Variants in GALM observed in about 807,000 individuals in gnomAD.
GALM encodes aldose 1-epimerase.
Under a neutral mutation model 37.4 loss-of-function variants are expected in GALM, and 43 were observed. That is an observed-to-expected ratio of 1.15 (90% CI 0.90 to 1.48). The LOEUF (loss-of-function observed/expected upper bound fraction) is 1.48. Ranked by LOEUF, GALM falls within the 40% of genes most tolerant of loss-of-function variation. The pLI, the probability that GALM is intolerant of heterozygous loss-of-function variation, is 0.00. For synonymous variants in GALM, 199 were observed against 170.6 expected (o/e 1.17, Z -1.30); for missense variants, 456 against 419.1 (o/e 1.09, Z -0.77).
chr2:38,682,321 A>G (rs1396991685), intron 3 of GALM: 1 of 439,914 alleles, frequency 2.3e-6, no homozygotes, highest in Non-Finnish European at 4.6e-6. Flanking sequence ...TATATCTATT[A>G]CTTCCTCTTT....
Position 38,675,527 on chromosome 2 carries a change from TTTTTTTTTTTTTTTTTTGTGTGTG to T in GALM, c.191-383_191-360del, listed in dbSNP as rs1665227228. On this transcript the variant is annotated intron_variant, in intron 1 of 6. Transcript: ENST00000272252. ...CACCTTTGGATTGAGGGTTTTTTTGTTTTTTTTTTTTTTTTTTGTGTGTGTGTGTGTGTGTGTGTGTGTGTGTGT... is the reference window on the plus strand; with the variant it reads ...CACCTTTGGATTGAGGGTTTTTTTGTTGTGTGTGTGTGTGTGTGTGTGTGT... Among the ~76,000 whole-genome samples the T allele has an allele frequency of 2.6e-4, 15 of 58,256 alleles. No homozygotes were observed. The South Asian group carries it at 4.0e-3, about 16-fold the overall frequency. The allele number at this position is 58,256 out of a possible 152,430, so 38.2% of individuals were successfully genotyped here.
rs557467797 is a variant in GALM at position 38,731,946 on chromosome 2, G to A, written c.951+37G>A. ...GGCTGGCTTTTCAGAGTAGAGTTGT[G>A]TCCAAGGTCACACTGTACGACAGAG... On this transcript the variant is annotated intron_variant, in intron 6 of 6. Transcript: ENST00000272252. 7.7e-5 allele frequency: 120 copies of A among 1,558,796 alleles called. No homozygotes were observed. The South Asian group carries it at 1.2e-3, about 16-fold the overall frequency.
At chr2:38,712,389 GATTTGTATTTGAACAT>G (rs1666188560) in intron 4 of GALM, among the ~76,000 whole-genome samples, 1 of 152,214 alleles carries the variant, frequency 6.6e-6, no homozygotes, top group African/African-American at 2.4e-5. Context: ...GGTCAGGCAT[GATTTGTATTTGAACAT>G]ATTTGTATTT....
At chr2:38,693,409 G>C (rs1665725669) in intron 4 of GALM, among the ~76,000 whole-genome samples, 1 of 149,992 alleles carries the variant, frequency 6.7e-6, no homozygotes, top group African/African-American at 2.5e-5. Flanking sequence ...CTTGAACCCA[G>C]AAGGCAGAGG....
intron 4 of GALM, among the ~76,000 whole-genome samples, chr2:38,694,855 C>T (rs1298181988): frequency 1.4e-5 from 2 of 146,432 alleles, no homozygotes; most frequent in Non-Finnish European, 3.0e-5. Context: ...CAAGATCGGG[C>T]CACTACACTC....
At chr2:38,669,273 G>C (rs1665027609) in intron 1 of GALM, 3 of 152,230 alleles carry the variant, frequency 2.0e-5, no homozygotes, top group Admixed American at 2.0e-4. Flanking sequence ...GTTATCTATA[G>C]ATTCCAGACA....
chr2:38,679,910 C>G, intron 2 of GALM: 2 of 368,022 alleles, frequency 5.4e-6, no homozygotes, highest in Non-Finnish European at 1.0e-5. Context: ...TTCGTTTTCC[C>G]TTCCCTATAA....
chr2:38,711,162 CTTT>C (rs35852563), intron 4 of GALM, among the ~76,000 whole-genome samples: 2 of 135,594 alleles, frequency 1.5e-5, no homozygotes, highest in African/African-American at 2.7e-5. Context: ...TACAGATAGC[CTTT>C]TTTTTTTTTT....
intron 4 of GALM, among the ~76,000 whole-genome samples, chr2:38,712,207 T>A (rs1666185914): frequency 6.6e-6 from 1 of 152,204 alleles, no homozygotes; most frequent in South Asian, 2.1e-4. Flanking sequence ...CCTAGCTTCA[T>A]GCTGTCTGTT....
chr2:38,667,958 A>G (rs1441904027), intron 1 of GALM, among the ~76,000 whole-genome samples: 1 of 152,238 alleles, frequency 6.6e-6, no homozygotes, highest in Non-Finnish European at 1.5e-5. Flanking sequence ...GAAATGCTGC[A>G]TGGGGAGGCC....
chr2:38,676,022 A>C lies in GALM; in HGVS notation c.301A>C (p.Lys101Gln). 2.5e-6 allele frequency: 4 copies of C among 1,614,136 alleles called. No homozygotes were observed. The highest frequency in any genetic ancestry group is 3.4e-6 in the Non-Finnish European group (4 of 1,180,018). Reference protein sequence around the residue: ...DGKEYHLAINKEPNSLHGGVR... With the variant: ...DGKEYHLAINQEPNSLHGGVR... ...GAAGGAGTATCACCTGGCCATTAAC[A>C]AGGAACCCAACAGTCTGCATGGAGG... Residue 101 changes from lysine (K) to glutamine (Q), a missense_variant, in exon 2 of 7, where the codon AAG (lysine) becomes CAG (glutamine). By Grantham distance (53) the Lys-to-Gln change is moderately conservative. Coordinates refer to ENST00000272252, the MANE Select transcript of GALM (RefSeq NM_138801.3).
chr2:38,727,742 A>G (rs1001723214), intron 4 of GALM, among the ~76,000 whole-genome samples: 7 of 151,612 alleles, frequency 4.6e-5, no homozygotes, highest in East Asian at 1.9e-4. Context: ...AAAAAAAAAG[A>G]AAAAGGAAAA....
intron 4 of GALM, among the ~76,000 whole-genome samples, chr2:38,723,807 A>C (rs921177164): frequency 2.0e-5 from 3 of 152,096 alleles, no homozygotes; most frequent in African/African-American, 2.4e-5. Flanking sequence ...ACAAACAAAA[A>C]AAAAAGCAAA....
At chr2:38,718,196 C>CTTTTTTTTTTTT (rs3059479) in intron 4 of GALM, among the ~76,000 whole-genome samples, 3 of 131,284 alleles carry the variant, frequency 2.3e-5, no homozygotes, top group African/African-American at 5.7e-5. Context: ...TTTTTCTTTT[C>CTTTTTTTTTTTT]TTTTTTTTTT....
chr2:38,702,809 T>C (rs1378569662), intron 4 of GALM, among the ~76,000 whole-genome samples: 4 of 150,778 alleles, frequency 2.7e-5, no homozygotes, highest in Non-Finnish European at 5.9e-5. Context: ...AGCCAACCTA[T>C]ACATCCTAGG....
intron 2 of GALM, among the ~76,000 whole-genome samples, chr2:38,676,274 A>T (rs1172121568): frequency 1.3e-5 from 2 of 152,156 alleles, no homozygotes; most frequent in East Asian, 3.9e-4. Context: ...GGGGAGCCCC[A>T]AGAGAAAGGA....
intron 1 of GALM, among the ~76,000 whole-genome samples, chr2:38,671,776 G>T (rs1344667628): frequency 2.6e-5 from 4 of 152,098 alleles, no homozygotes; most frequent in Non-Finnish European, 5.9e-5. Context: ...AGGATCACTT[G>T]AGCTCAGGAG....
rs1664926711 is a variant in GALM at position 38,666,182 on chromosome 2, C to T, written c.21C>T (p.Ala7=). MASVTR[A]VFGELPSGGG... The stretch of plus-strand genomic sequence containing the variant: ...TCCCTATGGCTTCGGTGACCAGGGC[C>T]GTGTTTGGAGAGCTGCCCTCGGGAG... Residue 7 remains alanine, a synonymous_variant, in exon 1 of 7, where the codon GCC becomes GCT. Coordinates refer to ENST00000272252, the MANE Select transcript of GALM (RefSeq NM_138801.3). The T allele has an allele frequency of 6.2e-7, 1 of 1,613,012 alleles. No individual in the cohort carries two copies. The highest frequency in any genetic ancestry group is 2.2e-5 in the East Asian group (1 of 44,848).
intron 2 of GALM, among the ~76,000 whole-genome samples, chr2:38,680,506 T>G (rs1665369980): frequency 6.6e-6 from 1 of 152,202 alleles, no homozygotes; most frequent in African/African-American, 2.4e-5. Flanking sequence ...ATCAGGACTC[T>G]TGACTTGTAG....
Sources: gnomAD v4.1 joint callset for allele counts (sites outside exome capture counted in the v4.1 genomes callset) on GRCh38, gnomAD v4.1.1 for gene constraint, MANE v1.5 for transcripts, NCBI Gene and HGNC (gene_info 2026-07-23, HGNC 2026-07-21) for gene names.